MAPKAPK5: variants seen among roughly 807,000 people sequenced by gnomAD.
MAPKAPK5 encodes MAP kinase-activated protein kinase 5.
A neutral mutation model predicts 65.1 loss-of-function variants in MAPKAPK5; 30 were observed. The observed-to-expected ratio is 0.46, with a 90% confidence interval of 0.34 to 0.63. MAPKAPK5 has a LOEUF of 0.63. Ranked by LOEUF, MAPKAPK5 falls within the 20% of genes least tolerant of loss-of-function variation. The pLI is 0.01. For missense variants in MAPKAPK5, 433 were observed against 581.4 expected (o/e 0.74, Z 2.63); for synonymous variants, 179 against 204.6 (o/e 0.87, Z 1.07).
chr12:111,881,233 T>A (rs2070198995), intron 8 of MAPKAPK5, among the ~76,000 whole-genome samples: 1 of 150,614 alleles, frequency 6.6e-6, no homozygotes, highest in African/African-American at 2.4e-5. Flanking sequence ...GCCACCACAC[T>A]CAGCTAATTT....
Position 111,900,167 on chromosome 12 carries a change from G to T in MAPKAPK5, c.*7106G>T. 1 of 456,054 alleles carries T rather than the reference G, an allele frequency of 2.2e-6. No homozygotes were observed. The highest frequency in any genetic ancestry group is 1.5e-5 in the South Asian group (1 of 64,552). 28.3% of individuals were successfully genotyped at this position (456,054 alleles called of 1,614,324 possible). ...CAGTGGACTTGCAAATCACACTCAG[G>T]AATTTCAATCACTGGAGACAAGAGA... is the stretch of plus-strand genomic sequence containing the variant. On this transcript the variant is annotated 3_prime_UTR_variant, in exon 14 of 14. Transcript: ENST00000550735.
chr12:111,853,409 T>A lies in MAPKAPK5; in HGVS notation c.36+10640T>A, dbSNP rs552858270. 6.3e-4 allele frequency among the ~76,000 whole-genome samples: 96 copies of A among 152,204 alleles called. 4 individuals are homozygous for A. The South Asian group carries it at 0.019, about 30-fold the overall frequency. On this transcript the variant is annotated intron_variant, in intron 1 of 13. Coordinates refer to ENST00000550735, the MANE Select transcript of MAPKAPK5 (RefSeq NM_003668.4). ...AATGGAATTGTTTTCTTCATTTCATTTTTGGATTGTTTGTCACTAGTGTAT... is the reference window on the plus strand; with the variant it reads ...AATGGAATTGTTTTCTTCATTTCATATTTGGATTGTTTGTCACTAGTGTAT...
intron 1 of MAPKAPK5, chr12:111,843,049 A>G: frequency 2.5e-6 from 1 of 398,746 alleles, no homozygotes. Context: ...GTGTCAATGA[A>G]TGGGACGAAG....
intron 7 of MAPKAPK5, among the ~76,000 whole-genome samples, chr12:111,876,179 C>T (rs2069959085): frequency 6.8e-6 from 1 of 146,148 alleles, no homozygotes; most frequent in Admixed American, 7.0e-5. Flanking sequence ...TGCACTCCAG[C>T]CTGGTGACAG....
intron 1 of MAPKAPK5, among the ~76,000 whole-genome samples, chr12:111,856,889 T>C (rs2069259342): frequency 6.6e-6 from 1 of 152,246 alleles, no homozygotes; most frequent in Non-Finnish European, 1.5e-5. Context: ...TTACCATTTT[T>C]GTTATTCTTC....
At chr12:111,863,466 C>T (rs1284587309) in intron 1 of MAPKAPK5, among the ~76,000 whole-genome samples, 1 of 152,202 alleles carries the variant, frequency 6.6e-6, no homozygotes, top group Non-Finnish European at 1.5e-5. Context: ...TGAACTTAGC[C>T]TGGTATACTA....
intron 7 of MAPKAPK5, among the ~76,000 whole-genome samples, chr12:111,874,581 C>T (rs945438360): frequency 8.2e-5 from 12 of 146,764 alleles, no homozygotes; most frequent in South Asian, 2.2e-4. Context: ...AAGCAATTCT[C>T]CTGTCTCAGC....
rs1480677043 is a variant in MAPKAPK5 at position 111,898,090 on chromosome 12, T to C, written c.*5029T>C. The C allele has an allele frequency of 6.6e-6, 1 of 152,064 alleles. No individual in the cohort carries two copies. Among genetic ancestry groups the C allele is most frequent in the Non-Finnish European group, 1.5e-5 (1 of 67,998 alleles). The allele number at this position is 152,064 out of a possible 1,614,324, so 9.4% of individuals were successfully genotyped here. ...TTAGTTCCAAACCGAAGAAATCTTT[T>C]AAAAGTTCTTATATAGCCCAGTTTT... On this transcript the variant is annotated 3_prime_UTR_variant, in exon 14 of 14. Transcript: ENST00000550735.
intron 1 of MAPKAPK5, among the ~76,000 whole-genome samples, chr12:111,845,212 C>T (rs1464625017): frequency 6.6e-6 from 1 of 151,724 alleles, no homozygotes; most frequent in Non-Finnish European, 1.5e-5. Context: ...GCAGCCGCCT[C>T]CTCCCAGGTT....
At chr12:111,860,236 T>C (rs1045853334) in intron 1 of MAPKAPK5, among the ~76,000 whole-genome samples, 6 of 152,184 alleles carry the variant, frequency 3.9e-5, no homozygotes, top group African/African-American at 1.4e-4. Flanking sequence ...AGTCAAATGC[T>C]CTACTGCTGA....
Position 111,883,200 on chromosome 12 carries a change from A to C in MAPKAPK5, c.661-381A>C, listed in dbSNP as rs1263257202. On this transcript the variant is annotated intron_variant, in intron 8 of 13. Coordinates refer to ENST00000550735, the MANE Select transcript of MAPKAPK5 (RefSeq NM_003668.4). The surrounding 1 kb of genome is among the most constrained non-coding windows in gnomAD (Gnocchi z 4.8). Reference sequence around the variant, plus strand: ...AACCTGACCAACATGGTGAAAGCCTATCTCTACTAAAAAAAAAATACAAAA... The same window carrying C: ...AACCTGACCAACATGGTGAAAGCCTCTCTCTACTAAAAAAAAAATACAAAA... Among the ~76,000 whole-genome samples, 1 of 152,010 alleles carries C rather than the reference A, an allele frequency of 6.6e-6. No homozygotes were observed. The highest frequency in any genetic ancestry group is 1.5e-5 in the Non-Finnish European group (1 of 67,980).
intron 7 of MAPKAPK5, among the ~76,000 whole-genome samples, chr12:111,872,176 T>A (rs989944537): frequency 6.6e-6 from 1 of 152,230 alleles, no homozygotes; most frequent in Non-Finnish European, 1.5e-5. Flanking sequence ...TGTTCCCCCA[T>A]GCCCATATCT....
rs947576930 is a variant in MAPKAPK5 at position 111,901,124 on chromosome 12, G to A, written c.*8063G>A. On this transcript the variant is annotated 3_prime_UTR_variant, in exon 14 of 14. Coordinates refer to ENST00000550735, the MANE Select transcript of MAPKAPK5 (RefSeq NM_003668.4). ...TCCCTCAGGGAGATGGCTCATGTTG[G>A]AGCATGGATGCCTATATGAGTACTG... is the stretch of plus-strand genomic sequence containing the variant. 2.2e-6 allele frequency: 1 copy of A among 456,080 alleles called. No individual in the cohort carries two copies. Among genetic ancestry groups the A allele is most frequent in the Non-Finnish European group, 4.4e-6 (1 of 226,804 alleles). 28.3% of individuals were successfully genotyped at this position (456,080 alleles called of 1,614,324 possible).
Position 111,886,020 on chromosome 12 carries a change from A to G in MAPKAPK5, c.953A>G (p.Gln318Arg). 1 of 1,613,838 alleles carries G rather than the reference A, an allele frequency of 6.2e-7. No homozygotes were observed. Among genetic ancestry groups the G allele is most frequent in the Non-Finnish European group, 8.5e-7 (1 of 1,179,848 alleles). The change falls in exon 10 of 14, where the codon CAG becomes CGG. Residue 318 changes from glutamine to arginine, a missense_variant. By Grantham distance (43) the Gln-to-Arg change is conservative (BLOSUM62 1). Transcript: ENST00000550735. ...CTGGATAATGTGCTGCCTTCTGCTCAGCTGATGATGGACAAGGTTTTGAAT... is the reference window on the plus strand; with the variant it reads ...CTGGATAATGTGCTGCCTTCTGCTCGGCTGATGATGGACAAGGTTTTGAAT... ...EALDNVLPSAQLMMDKAVVAG... is the reference protein window; with the variant it reads ...EALDNVLPSARLMMDKAVVAG...
intron 7 of MAPKAPK5, among the ~76,000 whole-genome samples, chr12:111,875,877 T>A (rs942998782): frequency 1.3e-5 from 2 of 152,012 alleles, no homozygotes; most frequent in Non-Finnish European, 2.9e-5. Flanking sequence ...TTCCGAATAA[T>A]TGGTTAACCT....
At chr12:111,864,046 A>G (rs2069526111) in intron 1 of MAPKAPK5, among the ~76,000 whole-genome samples, 1 of 152,116 alleles carries the variant, frequency 6.6e-6, no homozygotes, top group South Asian at 2.1e-4. Flanking sequence ...AGGCAGGAGG[A>G]TTGCTTGAAG....
chr12:111,889,738 T>G, intron 12 of MAPKAPK5: 1 of 256,792 alleles, frequency 3.9e-6, no homozygotes, highest in Non-Finnish European at 7.6e-6. Context: ...TTTTTGGTCT[T>G]TGGTTGACCA....
chr12:111,842,679 G>A lies in MAPKAPK5; in HGVS notation c.-55G>A. The A allele has an allele frequency of 1.5e-6, 2 of 1,318,450 alleles. No individual in the cohort carries two copies. Among genetic ancestry groups the A allele is most frequent in the South Asian group, 2.5e-5 (1 of 40,530 alleles). The allele number at this position is 1,318,450 out of a possible 1,614,324, so 81.7% of individuals were successfully genotyped here. A position where few individuals can be genotyped will look rare whatever the true frequency, so the allele number is the denominator to read the frequency against. Reference sequence around the variant, plus strand: ...GCCCTTTGCTCCCTCGGCCGCGCGGGGACAGGGCTGCTGAGCAGCCTCCGC... The same window carrying A: ...GCCCTTTGCTCCCTCGGCCGCGCGGAGACAGGGCTGCTGAGCAGCCTCCGC... On this transcript the variant is annotated 5_prime_UTR_variant, in exon 1 of 14. Transcript: ENST00000550735.
At position 111,896,823 on chromosome 12, in the gene MAPKAPK5, A is replaced by G. The variant is rs1292723999; in HGVS notation, c.*3762A>G. The G allele has an allele frequency of 1.3e-5, 2 of 152,064 alleles. No individual in the cohort carries two copies. The highest frequency in any genetic ancestry group is 2.9e-5 in the Non-Finnish European group (2 of 67,988). The allele number at this position is 152,064 out of a possible 1,614,324, so 9.4% of individuals were successfully genotyped here. ...TGAATATAGGAGAATCCCAGTCTGA[A>G]TTTACTGTTTGAAACATAGATGAGG... On this transcript the variant is annotated 3_prime_UTR_variant, in exon 14 of 14. Coordinates refer to ENST00000550735, the MANE Select transcript of MAPKAPK5 (RefSeq NM_003668.4).
Sources: gnomAD v4.1 joint callset for allele counts (sites outside exome capture counted in the v4.1 genomes callset) on GRCh38, gnomAD v4.1.1 for gene constraint, Gnocchi (gnomAD v3.1) non-coding constraint, MANE v1.5 for transcripts, NCBI Gene and HGNC (gene_info 2026-07-23, HGNC 2026-07-21) for gene names.